The following MRAP2 variants were observed in gnomAD, a reference collection of about 807,000 sequenced individuals.
MRAP2 encodes melanocortin-2 receptor accessory protein 2.
Under a neutral mutation model 17.4 loss-of-function variants are expected in MRAP2, and 20 were observed. That is an observed-to-expected ratio of 1.15 (90% CI 0.81 to 1.67). MRAP2 has a LOEUF of 1.67. Ranked by LOEUF, MRAP2 falls within the 40% of genes most tolerant of loss-of-function variation. The pLI is 0.00. For synonymous variants in MRAP2, 96 were observed against 88.4 expected, an observed-to-expected ratio of 1.09 and a Z score of -0.48; for missense variants, 238 against 240.0, an observed-to-expected ratio of 0.99 and a Z score of 0.05.
At chr6:84,079,542 G>A (rs1249887491) in intron 3 of MRAP2, among the ~76,000 whole-genome samples, 6 of 152,104 alleles carry the variant, frequency 3.9e-5, no homozygotes, top group African/African-American at 1.4e-4. Context: ...TGACATATAT[G>A]GTATGTAAAC....
At chr6:84,080,725 A>G (rs926514595) in intron 3 of MRAP2, among the ~76,000 whole-genome samples, 1 of 152,216 alleles carries the variant, frequency 6.6e-6, no homozygotes, top group African/African-American at 2.4e-5. Flanking sequence ...AAGAATTTTA[A>G]CAAGTAACAG....
the MRAP2 span, among the ~76,000 whole-genome samples, chr6:84,099,920 G>A: frequency 6.6e-6 from 1 of 151,174 alleles, no homozygotes; most frequent in African/African-American, 2.4e-5. Flanking sequence ...GAGTATAGTG[G>A]TGGGATCTTG....
At chr6:84,049,103 A>C (rs1429767768) in intron 1 of MRAP2, among the ~76,000 whole-genome samples, 1 of 152,162 alleles carries the variant, frequency 6.6e-6, no homozygotes, top group Non-Finnish European at 1.5e-5. Flanking sequence ...TCTGTGGAGT[A>C]CTACAGAGCC....
intron 1 of MRAP2, among the ~76,000 whole-genome samples, chr6:84,048,729 C>T (rs987753483): frequency 6.6e-6 from 1 of 152,174 alleles, no homozygotes; most frequent in African/African-American, 2.4e-5. Flanking sequence ...ACTCCCTTGT[C>T]CTGATTCTAC....
chr6:84,123,096 C>T, the MRAP2 span, among the ~76,000 whole-genome samples: 2 of 151,988 alleles, frequency 1.3e-5, no homozygotes, highest in East Asian at 3.9e-4. Context: ...AACGGAAATA[C>T]ATCCCATGCT....
chr6:84,106,649 C>T, the MRAP2 span, among the ~76,000 whole-genome samples: 1 of 152,148 alleles, frequency 6.6e-6, no homozygotes, highest in South Asian at 2.1e-4. Flanking sequence ...TTGTAGGGTA[C>T]TCCCCTGTGA....
In MRAP2 at chr6:84,055,460, A is replaced by G. The variant is rs776826259; in HGVS notation, c.127+15A>G. On this transcript the variant is annotated intron_variant, in intron 2 of 3. Transcript: ENST00000257776. ...GGCTCATAAATGTAAGTTTTATACA[A>G]TTCCTCATTGAAAGCATAATTGTAT... 6.2e-7 allele frequency: 1 copy of G among 1,608,174 alleles called. No homozygotes were observed. The highest frequency in any genetic ancestry group is 1.1e-5 in the South Asian group (1 of 89,922).
chr6:84,101,853 T>G, the MRAP2 span, among the ~76,000 whole-genome samples: 1 of 152,244 alleles, frequency 6.6e-6, no homozygotes, highest in Non-Finnish European at 1.5e-5. Flanking sequence ...ATGGAAGCTT[T>G]GCAATGCTTC....
At chr6:84,074,484 T>A (rs1399391258) in intron 3 of MRAP2, among the ~76,000 whole-genome samples, 2 of 152,198 alleles carry the variant, frequency 1.3e-5, no homozygotes, top group African/African-American at 4.8e-5. Flanking sequence ...CCACTGAATT[T>A]AATATTTTTC....
chr6:84,040,122 AG>A, intron 1 of MRAP2, among the ~76,000 whole-genome samples: 1 of 152,232 alleles, frequency 6.6e-6, no homozygotes, highest in Admixed American at 6.5e-5. Flanking sequence ...TAATTGAATC[AG>A]GGGGTTGGTT....
chr6:84,061,777 G>T, intron 2 of MRAP2: 3 of 985,412 alleles, frequency 3.0e-6, no homozygotes, highest in Non-Finnish European at 3.6e-6. Context: ...GGGAGAAAAT[G>T]ACAATTCTAA....
intron 1 of MRAP2, among the ~76,000 whole-genome samples, chr6:84,052,561 A>G (rs1244574561): frequency 6.6e-6 from 1 of 152,234 alleles, no homozygotes; most frequent in East Asian, 1.9e-4. Context: ...GCATGAAAAA[A>G]TAATGCCTTG....
chr6:84,095,026 T>C (rs2099502429), downstream of MRAP2, among the ~76,000 whole-genome samples: 1 of 152,182 alleles, frequency 6.6e-6, no homozygotes, highest in African/African-American at 2.4e-5. Flanking sequence ...TTTTTAGTTG[T>C]GTTTTGTTTT....
intron 2 of MRAP2, chr6:84,062,663 A>C (rs1226340603): frequency 1.0e-6 from 1 of 985,316 alleles, no homozygotes; most frequent in African/African-American, 1.7e-5. Flanking sequence ...AGCATGAGTC[A>C]ATGAGGCCTA....
At chr6:84,123,558 T>C in the MRAP2 span, among the ~76,000 whole-genome samples, 6 of 152,028 alleles carry the variant, frequency 3.9e-5, no homozygotes, top group Admixed American at 6.6e-5. Flanking sequence ...TTACCTCTCA[T>C]CATATACAAA....
At position 84,079,799 on chromosome 6, in the gene MRAP2, T is replaced by C. The variant is rs747562379; in HGVS notation, c.228-9292T>C. 4.6e-5 allele frequency among the ~76,000 whole-genome samples: 7 copies of C among 152,240 alleles called. 1 individual carries two copies. The highest frequency in any genetic ancestry group is 8.8e-5 in the Non-Finnish European group (6 of 68,038). On this transcript the variant is annotated intron_variant, in intron 3 of 3. Coordinates refer to ENST00000257776, the MANE Select transcript of MRAP2 (RefSeq NM_138409.4). ...GGATTACACAATTATTTCAAGATAA[T>C]TATCCTTGGCTACAAGGGTTAATAA...
At chr6:84,142,967 A>ATTG in the MRAP2 span, among the ~76,000 whole-genome samples, 2 of 152,120 alleles carry the variant, frequency 1.3e-5, no homozygotes, top group African/African-American at 4.8e-5. Flanking sequence ...TCCAAGCATA[A>ATTG]TTGTTAATAA....
chr6:84,108,742 C>A, the MRAP2 span, among the ~76,000 whole-genome samples: 5 of 152,170 alleles, frequency 3.3e-5, 1 homozygote, highest in South Asian at 8.3e-4. Flanking sequence ...GTCATCAAAT[C>A]TTTGACCATG....
the MRAP2 span, among the ~76,000 whole-genome samples, chr6:84,143,858 A>C: frequency 1.3e-5 from 2 of 152,006 alleles, no homozygotes; most frequent in Non-Finnish European, 2.9e-5. Flanking sequence ...TTTATGTAGA[A>C]AGCAAAGATT....
Sources: allele counts gnomAD v4.1 joint callset (sites outside exome capture counted in the v4.1 genomes callset), GRCh38; gene constraint gnomAD v4.1.1; transcripts MANE v1.5; gene names NCBI Gene and HGNC (gene_info 2026-07-23, HGNC 2026-07-21).